The following DDX59 variants were observed in gnomAD, a reference collection of about 807,000 sequenced individuals.
DDX59 encodes the protein probable ATP-dependent RNA helicase DDX59.
Under a neutral mutation model 51.9 loss-of-function variants are expected in DDX59, and 30 were observed. The ratio of observed to expected loss-of-function variants is 0.58; its 90% CI spans 0.43 to 0.78. The LOEUF (loss-of-function observed/expected upper bound fraction) is 0.78, where lower values mean the gene tolerates loss of function less well. Among genes scored for constraint, DDX59 ranks in the 30% least tolerant of loss-of-function variants. DDX59 has a pLI of 0.00. For missense variants in DDX59, 672 were observed against 730.8 expected (o/e 0.92, Z 0.93); for synonymous variants, 255 against 253.3 (o/e 1.01, Z -0.06).
At chr1:200,643,701 C>T (rs1661120820), downstream of DDX59, among the ~76,000 whole-genome samples, 1 of 151,192 alleles carries the variant, frequency 6.6e-6, no homozygotes, top group African/African-American at 2.4e-5. Context: ...AGCAGGGCAA[C>T]ATTCATTCAA....
At chr1:200,644,840 G>A (rs1421170819) in intron 7 of DDX59, among the ~76,000 whole-genome samples, 1 of 140,276 alleles carries the variant, frequency 7.1e-6, no homozygotes, top group Non-Finnish European at 1.5e-5. Flanking sequence ...AGCTTGCAAT[G>A]AGCTGAGATC....
At chr1:200,663,861 C>A in intron 3 of DDX59, 58 bp downstream of exon 3, 1 of 1,368,188 alleles carries the variant, frequency 7.3e-7, no homozygotes, top group Non-Finnish European at 9.5e-7. Context: ...AAAAAAAACA[C>A]TAGTTCCTGT....
At position 200,659,109 on chromosome 1, in the gene DDX59, A is replaced by G; in HGVS notation, c.980T>C (p.Ile327Thr). The change falls in exon 4 of 8, where the codon ATA (isoleucine) becomes ACA (threonine). Residue 327 changes from isoleucine (I) to threonine (T), a missense_variant. Physicochemically the swap from Ile to Thr is moderately conservative, Grantham distance 89 (BLOSUM62 -1). Transcript: ENST00000331314. Reference protein sequence around the residue: ...YRLQQHVKVIIATPGRLLDII... With the variant: ...YRLQQHVKVITATPGRLLDII... ...ATCCAGAAGTCGCCCAGGGGTTGCT[A>G]TGATAACCTAAATAAAAGAGAAAAA... The G allele has an allele frequency of 6.2e-7, 1 of 1,612,162 alleles. No individual in the cohort carries two copies.
intron 3 of DDX59, 54 bp downstream of exon 3, chr1:200,663,865 T>A (rs1662534422): frequency 6.9e-7 from 1 of 1,441,104 alleles, no homozygotes; most frequent in African/African-American, 1.5e-5. Flanking sequence ...AAAACACTAG[T>A]TCCTGTATTG....
At chr1:200,651,900 C>T (rs867525562) in intron 4 of DDX59, among the ~76,000 whole-genome samples, 1 of 149,922 alleles carries the variant, frequency 6.7e-6, no homozygotes, top group Admixed American at 6.7e-5. Flanking sequence ...TCCAGCTACT[C>T]GGGAGGCTGA....
chr1:200,654,275 T>C (rs1388492460), intron 4 of DDX59, among the ~76,000 whole-genome samples: 1 of 151,848 alleles, frequency 6.6e-6, no homozygotes, highest in Non-Finnish European at 1.5e-5. Flanking sequence ...TAGCCAGGCA[T>C]GGTGGTGGGC....
At chr1:200,648,696 G>T (rs184645278) in intron 6 of DDX59, 129 bp from the exon 7 acceptor site, 83 of 1,094,722 alleles carry the variant, frequency 7.6e-5, no homozygotes, top group Middle Eastern at 4.8e-4. Flanking sequence ...AATAAGTAAA[G>T]GTCATAGTAT....
intron 7 of DDX59, among the ~76,000 whole-genome samples, chr1:200,646,311 G>A (rs1161707867): frequency 6.6e-6 from 1 of 151,840 alleles, no homozygotes; most frequent in Admixed American, 6.6e-5. Context: ...TCCAGCCCGG[G>A]CAACAGAAGG....
Position 200,664,227 on chromosome 1 carries a change from C to T in DDX59, c.805-141G>A, listed in dbSNP as rs142547353. ...TATGAGTCCTCCTGCCTTCTGCTTA[C>T]TGCAGACTTTTTTCCTCCAAAACCA... is the stretch of plus-strand genomic sequence containing the variant. On this transcript the variant is annotated intron_variant, in intron 2 of 7. Transcript: ENST00000331314. 9.9e-4 allele frequency: 819 copies of T among 826,224 alleles called. 6 individuals carry two copies. The Admixed American group carries it at 0.016, about 16-fold the overall frequency. The allele number at this position is 826,224 out of a possible 1,614,324, so 51.2% of individuals were successfully genotyped here. A position where few individuals can be genotyped will look rare whatever the true frequency, so the allele number is the denominator to read the frequency against.
intron 7 of DDX59, 36 bp downstream of exon 7, chr1:200,648,403 G>A (rs1460212419): frequency 6.8e-6 from 11 of 1,607,742 alleles, no homozygotes; most frequent in South Asian, 2.2e-5. Flanking sequence ...AATAAAACTC[G>A]TGAACAAAAT....
chr1:200,646,646 G>A (rs900911636), intron 7 of DDX59, among the ~76,000 whole-genome samples: 2 of 152,164 alleles, frequency 1.3e-5, no homozygotes, highest in Non-Finnish European at 2.9e-5. Context: ...TTAATAAGCC[G>A]CAGGCGAGAA....
intron 4 of DDX59, among the ~76,000 whole-genome samples, chr1:200,652,644 A>C (rs1242367776): frequency 6.6e-6 from 1 of 150,970 alleles, no homozygotes; most frequent in Non-Finnish European, 1.5e-5. Flanking sequence ...GTTATTCAAA[A>C]TGCAGAGTGG....
At position 200,644,167 on chromosome 1, in the gene DDX59, A is replaced by T. The variant is rs1447709182; in HGVS notation, c.*87T>A. ...AAATTAAAAATATCTTAAAATTTTT[A>T]AAATTCATGTACATTTCCATTTATG... On this transcript the variant is annotated 3_prime_UTR_variant, in exon 8 of 8. Coordinates refer to ENST00000331314, the MANE Select transcript of DDX59 (RefSeq NM_001031725.6). 2.6e-5 allele frequency: 28 copies of T among 1,057,836 alleles called. No homozygotes were observed. The South Asian group carries it at 4.2e-4, about 16-fold the overall frequency. The allele number at this position is 1,057,836 out of a possible 1,614,324, so 65.5% of individuals were successfully genotyped here. A position where few individuals can be genotyped will look rare whatever the true frequency, so the allele number is the denominator to read the frequency against.
At position 200,664,013 on chromosome 1, in the gene DDX59, T is replaced by C. The variant is rs146646595; in HGVS notation, c.878A>G (p.Glu293Gly). Residue 293 changes from glutamate (E) to glycine (G), a missense_variant, in exon 3 of 8, where the codon GAA becomes GGA. By Grantham distance (98) the Glu-to-Gly change is moderately conservative (BLOSUM62 -2). Transcript: ENST00000331314. Reference sequence around the variant, plus strand: ...CATGCGTGGCAGGCCACTCATCAATTCTTTAGCTTGTCTCTCTATCTGAAT... The same window carrying C: ...CATGCGTGGCAGGCCACTCATCAATCCTTTAGCTTGTCTCTCTATCTGAAT... ...LAIQIERQAK[E>G]LMSGLPRMKT... 2 of 1,614,052 alleles carry C rather than the reference T, an allele frequency of 1.2e-6. No homozygotes were observed. The highest frequency in any genetic ancestry group is 1.7e-6 in the Non-Finnish European group (2 of 1,180,032).
chr1:200,659,629 T>C (rs752743532), intron 3 of DDX59, among the ~76,000 whole-genome samples: 2 of 152,230 alleles, frequency 1.3e-5, no homozygotes, highest in Non-Finnish European at 2.9e-5. Context: ...ATTAAGAGGT[T>C]GGGCAAAGTG....
chr1:200,668,115 G>A (rs553815727), intron 1 of DDX59, among the ~76,000 whole-genome samples: 8 of 152,062 alleles, frequency 5.3e-5, no homozygotes, highest in Admixed American at 2.0e-4. Context: ...TGGCTAACAC[G>A]GTGAAACCCC....
chr1:200,663,311 C>A (rs1264740670), intron 3 of DDX59, among the ~76,000 whole-genome samples: 1 of 152,190 alleles, frequency 6.6e-6, no homozygotes, highest in African/African-American at 2.4e-5. Context: ...CTGTGCCAAA[C>A]CTTCCATTAA....
chr1:200,658,234 G>A (rs1662158615), intron 4 of DDX59, among the ~76,000 whole-genome samples: 1 of 152,222 alleles, frequency 6.6e-6, no homozygotes, highest in African/African-American at 2.4e-5. Flanking sequence ...CATGCCCAGG[G>A]TGGGCTGGCA....
At chr1:200,656,473 A>G (rs1454996181) in intron 4 of DDX59, among the ~76,000 whole-genome samples, 1 of 152,194 alleles carries the variant, frequency 6.6e-6, no homozygotes, top group Non-Finnish European at 1.5e-5. Context: ...CTTCTCTGTG[A>G]TGCCATCCAA....
Sources: allele counts gnomAD v4.1 joint callset (sites outside exome capture counted in the v4.1 genomes callset), GRCh38; gene constraint gnomAD v4.1.1; transcripts MANE v1.5; gene names NCBI Gene and HGNC (gene_info 2026-07-23, HGNC 2026-07-21).